RBFOX1: variants seen among roughly 807,000 people sequenced by gnomAD.
RBFOX1 encodes the protein RNA binding protein fox-1 homolog 1.
In RBFOX1, 8 loss-of-function variants were observed where a neutral mutation model predicts 57.7. The observed-to-expected ratio is 0.14, with a 90% CI of 0.08 to 0.25. The LOEUF (loss-of-function observed/expected upper bound fraction) is 0.25, where lower values mean the gene tolerates loss of function less well. Ranked by LOEUF, RBFOX1 falls within the 10% of genes least tolerant of loss-of-function variation. RBFOX1 has a pLI of 1.00. For synonymous variants in RBFOX1, 326 were observed against 222.4 expected, an observed-to-expected ratio of 1.47 and a Z score of -4.15; for missense variants, 611 against 548.5, an observed-to-expected ratio of 1.11 and a Z score of -1.14.
intron 4 of RBFOX1, among the ~76,000 whole-genome samples, chr16:5,912,430 G>A (rs2058622541): frequency 6.6e-6 from 1 of 152,290 alleles, no homozygotes; most frequent in African/African-American, 2.4e-5. Context: ...CCTGAGAACA[G>A]TGTGGTTTGG....
intron 4 of RBFOX1, among the ~76,000 whole-genome samples, chr16:7,482,107 G>C (rs1224247300): frequency 6.6e-6 from 1 of 152,200 alleles, no homozygotes; most frequent in Non-Finnish European, 1.5e-5. Context: ...GGTTATCATA[G>C]CAACAAGTCC....
At chr16:6,984,549 C>T (rs983501616) in intron 3 of RBFOX1, among the ~76,000 whole-genome samples, 1 of 152,152 alleles carries the variant, frequency 6.6e-6, no homozygotes, top group East Asian at 1.9e-4. Context: ...GGTGCAGCAG[C>T]CCATTGAGTT....
At chr16:5,264,793 C>G (rs184312026) in intron 1 of RBFOX1, among the ~76,000 whole-genome samples, 5 of 152,116 alleles carry the variant, frequency 3.3e-5, no homozygotes, top group African/African-American at 9.7e-5. Context: ...TCTTCTCCCT[C>G]TGTTCCCTGC....
intron 3 of RBFOX1, among the ~76,000 whole-genome samples, chr16:5,834,722 G>GATACATACATAC (rs1555541469): frequency 1.5e-5 from 2 of 133,646 alleles, no homozygotes; most frequent in Non-Finnish European, 3.2e-5. Flanking sequence ...TAGATACATA[G>GATACATACATAC]ATACATAGAT....
At chr16:6,511,973 C>T (rs566651484) in intron 2 of RBFOX1, among the ~76,000 whole-genome samples, 85 of 152,002 alleles carry the variant, frequency 5.6e-4, no homozygotes, top group Non-Finnish European at 1.0e-3. Flanking sequence ...CTTACCCCTA[C>T]AGGGATAAGA....
chr16:6,724,088 G>A (rs1055374485), intron 3 of RBFOX1, among the ~76,000 whole-genome samples: 4 of 152,132 alleles, frequency 2.6e-5, no homozygotes, highest in Non-Finnish European at 4.4e-5. Flanking sequence ...ATAGTATTAG[G>A]AGGTGATGAG....
At chr16:7,054,216 G>GGGGGGC (rs2051162302) in intron 4 of RBFOX1, among the ~76,000 whole-genome samples, 1 of 92,358 alleles carries the variant, frequency 1.1e-5, no homozygotes, top group African/African-American at 4.6e-5. Flanking sequence ...TTTTTTTCGG[G>GGGGGGC]GGGGGGGGGC....
At chr16:7,169,292 A>G (rs1354704165) in intron 4 of RBFOX1, among the ~76,000 whole-genome samples, 4 of 152,226 alleles carry the variant, frequency 2.6e-5, no homozygotes, top group African/African-American at 9.7e-5. Flanking sequence ...TTTCTATGAG[A>G]TACTAGCCAT....
intron 12 of RBFOX1, among the ~76,000 whole-genome samples, chr16:7,657,608 C>G (rs1232346042): frequency 6.6e-6 from 1 of 152,230 alleles, no homozygotes; most frequent in Non-Finnish European, 1.5e-5. Flanking sequence ...CACAGACATT[C>G]ATCAATTTCC....
chr16:5,650,198 A>G (rs2049189124), intron 3 of RBFOX1, among the ~76,000 whole-genome samples: 2 of 152,184 alleles, frequency 1.3e-5, no homozygotes, highest in Admixed American at 6.5e-5. Context: ...GAGGCTCTCA[A>G]TCTTACCTGA....
At chr16:6,275,743 C>G (rs12597604) in intron 1 of RBFOX1, among the ~76,000 whole-genome samples, 1 of 152,030 alleles carries the variant, frequency 6.6e-6, no homozygotes, top group Non-Finnish European at 1.5e-5. Flanking sequence ...ACATAAATGC[C>G]ATAGAAAATA....
chr16:5,383,033 T>C (rs1489716501), intron 1 of RBFOX1, among the ~76,000 whole-genome samples: 1 of 152,236 alleles, frequency 6.6e-6, no homozygotes, highest in Non-Finnish European at 1.5e-5. Context: ...GCTCACATGC[T>C]ATAAAGCGAC....
At chr16:7,383,252 C>T (rs557452084) in intron 4 of RBFOX1, among the ~76,000 whole-genome samples, 194 of 149,944 alleles carry the variant, frequency 1.3e-3, no homozygotes, top group African/African-American at 4.3e-3. Flanking sequence ...ACACCTACTA[C>T]GTACCCATAA....
At chr16:6,411,164 G>T (rs531591541) in intron 2 of RBFOX1, among the ~76,000 whole-genome samples, 1 of 152,180 alleles carries the variant, frequency 6.6e-6, no homozygotes, top group African/African-American at 2.4e-5. Context: ...AATTTTTTTT[G>T]TAGAGGTGGA....
intron 3 of RBFOX1, among the ~76,000 whole-genome samples, chr16:5,687,279 A>T (rs1394460888): frequency 6.6e-6 from 1 of 152,284 alleles, no homozygotes; most frequent in South Asian, 2.1e-4. Flanking sequence ...TGGTGCCTTC[A>T]TGATGTCCTG....
At chr16:5,377,756 T>C (rs745719958) in intron 1 of RBFOX1, among the ~76,000 whole-genome samples, 1 of 151,312 alleles carries the variant, frequency 6.6e-6, no homozygotes, top group South Asian at 2.1e-4. Flanking sequence ...TCCACACTTG[T>C]CAACAAGTCC....
intron 3 of RBFOX1, among the ~76,000 whole-genome samples, chr16:5,744,457 C>T (rs2052897512): frequency 6.6e-6 from 1 of 152,172 alleles, no homozygotes; most frequent in African/African-American, 2.4e-5. Flanking sequence ...AGGGCACCCC[C>T]CATCGATGCT....
chr16:7,383,012 A>C (rs1313321683), intron 4 of RBFOX1, among the ~76,000 whole-genome samples: 2 of 152,196 alleles, frequency 1.3e-5, no homozygotes, highest in East Asian at 3.8e-4. Context: ...ACATATGGTA[A>C]GCAAGGCCAG....
chr16:7,401,038 C>T (rs1318013949), intron 4 of RBFOX1, among the ~76,000 whole-genome samples: 1 of 152,178 alleles, frequency 6.6e-6, no homozygotes, highest in Non-Finnish European at 1.5e-5. Context: ...TTGCCCGATG[C>T]AGCTGATTCG....
Sources: allele counts gnomAD v4.1 joint callset (sites outside exome capture counted in the v4.1 genomes callset), GRCh38; gene constraint gnomAD v4.1.1; transcripts MANE v1.5; gene names NCBI Gene and HGNC (gene_info 2026-07-23, HGNC 2026-07-21).